Variants in CNTNAP2 observed in about 807,000 individuals in gnomAD.
CNTNAP2 encodes contactin associated protein 2.
A neutral mutation model predicts 155.2 loss-of-function variants in CNTNAP2; 98 were observed. The observed-to-expected ratio is 0.63, with a 90% confidence interval of 0.54 to 0.75. The LOEUF is 0.75. Among genes scored for constraint, CNTNAP2 ranks in the 30% least tolerant of loss-of-function variants. The pLI, the probability that CNTNAP2 is intolerant of heterozygous loss-of-function variation, is 0.00. For missense variants in CNTNAP2, 1,727 were observed against 1,688.1 expected (o/e 1.02, Z -0.40); for synonymous variants, 651 against 631.2 (o/e 1.03, Z -0.47).
In CNTNAP2 at chr7:148,217,457, G is replaced by A. The variant is rs372645983; in HGVS notation, c.3180G>A (p.Ala1060=). 9.6e-5 allele frequency: 155 copies of A among 1,613,988 alleles called. No individual in the cohort carries two copies. In the Middle Eastern group the frequency reaches 2.1e-3, roughly 22 times the overall value. ...GCTTCAGCTTCAGCACCACCAAGGC[G>A]CCCTGCATTCTCCTCTACATCAGCT... ...EIRFSFSTTK[A]PCILLYISSF... The change falls in exon 19 of 24, where the codon GCG becomes GCA. Residue 1060 remains alanine, a synonymous_variant. Coordinates refer to ENST00000361727, the MANE Select transcript of CNTNAP2 (RefSeq NM_014141.6).
intron 1 of CNTNAP2, among the ~76,000 whole-genome samples, chr7:146,316,881 G>C (rs987853057): frequency 6.6e-6 from 1 of 151,998 alleles, no homozygotes; most frequent in East Asian, 1.9e-4. Context: ...ACCCACCTAC[G>C]GGAGGTCGTC....
At chr7:147,307,144 G>A (rs74632682) in intron 9 of CNTNAP2, among the ~76,000 whole-genome samples, 1,663 of 152,200 alleles carry the variant, frequency 0.011, 30 homozygotes, top group African/African-American at 0.038. Flanking sequence ...AGTTGTTTAC[G>A]CTAAAACAAC....
chr7:146,415,235 C>A (rs1439666369), intron 1 of CNTNAP2, among the ~76,000 whole-genome samples: 2 of 152,074 alleles, frequency 1.3e-5, no homozygotes, highest in East Asian at 3.9e-4. Flanking sequence ...ACCACACACA[C>A]ATACACACAC....
rs112266224 is a variant in CNTNAP2, at chr7:147,581,077, C to T, written c.1897+18820C>T. On this transcript the variant is annotated intron_variant, in intron 12 of 23. Coordinates refer to ENST00000361727, the MANE Select transcript of CNTNAP2 (RefSeq NM_014141.6). Reference sequence around the variant, plus strand: ...GGAAGTAGGTGGTACTATTACTATTCGCTTTTATATGTGAGGCAGCCAAAT... The same window carrying T: ...GGAAGTAGGTGGTACTATTACTATTTGCTTTTATATGTGAGGCAGCCAAAT... Among the ~76,000 whole-genome samples the T allele has an allele frequency of 1.6e-4, 24 of 152,290 alleles. 1 individual carries two copies. Among genetic ancestry groups the T allele is most frequent in the African/African-American group, 3.9e-4 (16 of 41,558 alleles).
chr7:146,672,002 G>T (rs1297295471), intron 1 of CNTNAP2, among the ~76,000 whole-genome samples: 1 of 151,914 alleles, frequency 6.6e-6, no homozygotes, highest in Non-Finnish European at 1.5e-5. Context: ...TTTTAGTAGA[G>T]ACGGGGTTTC....
At chr7:147,427,050 A>AAG (rs1797388850) in intron 10 of CNTNAP2, among the ~76,000 whole-genome samples, 1 of 151,940 alleles carries the variant, frequency 6.6e-6, no homozygotes, top group Non-Finnish European at 1.5e-5. Flanking sequence ...TCGAGGCACC[A>AAG]GCAGGATTGG....
intron 11 of CNTNAP2, among the ~76,000 whole-genome samples, chr7:147,505,850 G>A (rs1798896976): frequency 6.6e-6 from 1 of 152,136 alleles, no homozygotes; most frequent in Non-Finnish European, 1.5e-5. Context: ...GAGAAAGTCT[G>A]AGTTAACAAA....
chr7:147,852,633 T>C (rs1221596284), intron 13 of CNTNAP2, among the ~76,000 whole-genome samples: 3 of 152,228 alleles, frequency 2.0e-5, no homozygotes, highest in Non-Finnish European at 4.4e-5. Flanking sequence ...TGTTTGTAAT[T>C]GCTCAGTGAA....
At chr7:148,086,192 A>G (rs1803725445) in intron 15 of CNTNAP2, among the ~76,000 whole-genome samples, 1 of 152,222 alleles carries the variant, frequency 6.6e-6, no homozygotes, top group African/African-American at 2.4e-5. Context: ...ATTGATAGTT[A>G]TGATAATTGA....
intron 13 of CNTNAP2, among the ~76,000 whole-genome samples, chr7:147,661,510 A>C (rs953601080): frequency 1.3e-5 from 2 of 149,474 alleles, no homozygotes; most frequent in Non-Finnish European, 3.0e-5. Flanking sequence ...CTCTGTTCTG[A>C]TTTCCAAATT....
chr7:146,446,793 T>G (rs548137020), intron 1 of CNTNAP2, among the ~76,000 whole-genome samples: 2 of 152,154 alleles, frequency 1.3e-5, no homozygotes, highest in South Asian at 4.1e-4. Context: ...CACCTATGAG[T>G]CCTGCCCTAC....
intron 13 of CNTNAP2, among the ~76,000 whole-genome samples, chr7:147,810,753 A>AGG (rs1798166577): frequency 6.6e-6 from 1 of 152,244 alleles, no homozygotes; most frequent in East Asian, 1.9e-4. Context: ...TCTTCTTATA[A>AGG]AGTTAAAATA....
At chr7:146,187,236 C>A (rs974859090) in intron 1 of CNTNAP2, among the ~76,000 whole-genome samples, 2 of 152,122 alleles carry the variant, frequency 1.3e-5, no homozygotes, top group Non-Finnish European at 2.9e-5. Context: ...CATGAAAGAA[C>A]CCTCAAGCGT....
rs753679772 is a variant in CNTNAP2 at position 147,924,123 on chromosome 7, TTTTTC to T, written c.2255+20422_2255+20426del. Among the ~76,000 whole-genome samples, 418 of 125,334 alleles carry T rather than the reference TTTTTC, an allele frequency of 3.3e-3. 23 individuals carry two copies. In the South Asian group the frequency reaches 0.094, roughly 28 times the overall value. 82.2% of individuals were successfully genotyped at this position (125,334 alleles called of 152,430 possible). On this transcript the variant is annotated intron_variant, in intron 14 of 23. Coordinates refer to ENST00000361727, the MANE Select transcript of CNTNAP2 (RefSeq NM_014141.6). ...AATGCTGGGCACCACTCTAAGCACTTTTTTCTTTTCTTTTCTTTTCTTTTTTTTTT... is the reference window on the plus strand; with the variant it reads ...AATGCTGGGCACCACTCTAAGCACTTTTTTCTTTTCTTTTCTTTTTTTTTT...
chr7:147,095,186 ATT>A lies in CNTNAP2; in HGVS notation c.551-12941_551-12940del, dbSNP rs36113270. ...AGGCATGCACCACCACGCCTGGCTA[ATT>A]TTTTTTTTTTTTTTTTTTTGTATTT... is the stretch of plus-strand genomic sequence containing the variant. On this transcript the variant is annotated intron_variant, in intron 4 of 23. Coordinates refer to ENST00000361727, the MANE Select transcript of CNTNAP2 (RefSeq NM_014141.6). 2.7e-3 allele frequency among the ~76,000 whole-genome samples: 310 copies of A among 114,464 alleles called. No homozygotes were observed. In the East Asian group the frequency reaches 0.029, roughly 11 times the overall value. The allele number at this position is 114,464 out of a possible 152,430, so 75.1% of individuals were successfully genotyped here.
intron 1 of CNTNAP2, among the ~76,000 whole-genome samples, chr7:146,409,609 G>A (rs369646318): frequency 2.6e-5 from 4 of 152,162 alleles, no homozygotes; most frequent in African/African-American, 9.6e-5. Flanking sequence ...GGGTCATGAT[G>A]AGAATATTTA....
At chr7:147,288,416 C>A (rs1384583461) in intron 8 of CNTNAP2, among the ~76,000 whole-genome samples, 1 of 152,152 alleles carries the variant, frequency 6.6e-6, no homozygotes, top group African/African-American at 2.4e-5. Flanking sequence ...AAAGAATGAG[C>A]TTGACTCTTT....
At chr7:147,169,416 A>G (rs1802182690) in intron 8 of CNTNAP2, among the ~76,000 whole-genome samples, 1 of 152,270 alleles carries the variant, frequency 6.6e-6, no homozygotes, top group Middle Eastern at 3.4e-3. Flanking sequence ...TAGTTTTTCA[A>G]TCAACGCCCT....
intron 10 of CNTNAP2, among the ~76,000 whole-genome samples, chr7:147,412,630 T>A (rs1797124031): frequency 6.6e-6 from 1 of 152,158 alleles, no homozygotes; most frequent in Non-Finnish European, 1.5e-5. Context: ...AATACATTTT[T>A]TATAGAATGA....
Sources: gnomAD v4.1 joint callset for allele counts (sites outside exome capture counted in the v4.1 genomes callset) on GRCh38, gnomAD v4.1.1 for gene constraint, MANE v1.5 for transcripts, NCBI Gene and HGNC (gene_info 2026-07-23, HGNC 2026-07-21) for gene names.